The following SUPT3H variants were observed in gnomAD, a reference collection of about 807,000 sequenced individuals.
SUPT3H encodes the protein SPT3 homolog, SAGA and STAGA complex component.
A neutral mutation model predicts 44.3 loss-of-function variants in SUPT3H; 44 were observed. The ratio of observed to expected loss-of-function variants is 0.99; its 90% CI spans 0.78 to 1.28. The LOEUF (loss-of-function observed/expected upper bound fraction) is 1.28, where lower values mean the gene tolerates loss of function less well. SUPT3H is among the 50% of genes most tolerant of loss of function. The probability of loss-of-function intolerance (pLI) is 0.00; values close to 1 mark genes in which losing one functional copy is unlikely to be tolerated. For synonymous variants in SUPT3H, 124 were observed against 125.6 expected (o/e 0.99, Z 0.09); for missense variants, 380 against 387.1 (o/e 0.98, Z 0.15).
In SUPT3H at chr6:44,827,905, C is replaced by A. The variant is rs574602635; in HGVS notation, c.*1911G>T. Among the ~76,000 whole-genome samples, 354 of 152,106 alleles carry A rather than the reference C, an allele frequency of 2.3e-3. No homozygotes were observed. Among genetic ancestry groups the A allele is most frequent in the Non-Finnish European group, 4.1e-3 (279 of 67,944 alleles). On this transcript the variant is annotated 3_prime_UTR_variant, in exon 11 of 11. Coordinates refer to ENST00000371459, the MANE Select transcript of SUPT3H (RefSeq NM_003599.4). ...ATAAATAATTACCTGTCAGACTGTT[C>A]AAGATAGACAAACATATGCCAGACC...
chr6:45,293,268 T>C (rs773556298), intron 2 of SUPT3H, among the ~76,000 whole-genome samples: 9 of 152,068 alleles, frequency 5.9e-5, no homozygotes, highest in Admixed American at 3.9e-4. Context: ...AAATGGAATT[T>C]AAAAAATTCT....
chr6:45,204,576 A>ACAGATCTGCTTCAAT (rs1762951192), intron 2 of SUPT3H, among the ~76,000 whole-genome samples: 1 of 152,326 alleles, frequency 6.6e-6, no homozygotes, highest in African/African-American at 2.4e-5. Flanking sequence ...TCTGCATCAA[A>ACAGATCTGCTTCAAT]CAGATCTGCT....
intron 9 of SUPT3H, among the ~76,000 whole-genome samples, chr6:44,940,183 A>G (rs1445523480): frequency 6.6e-6 from 1 of 151,992 alleles, no homozygotes; most frequent in East Asian, 1.9e-4. Context: ...TAGGCATTTA[A>G]TGCTACAAAC....
At chr6:45,174,175 C>G (rs948003393) in intron 2 of SUPT3H, among the ~76,000 whole-genome samples, 2 of 152,214 alleles carry the variant, frequency 1.3e-5, no homozygotes, top group Non-Finnish European at 2.9e-5. Context: ...TGGCTAAGTA[C>G]TGAACAGTGG....
intron 2 of SUPT3H, among the ~76,000 whole-genome samples, chr6:45,305,585 T>C (rs913857845): frequency 2.6e-5 from 4 of 152,206 alleles, no homozygotes; most frequent in African/African-American, 9.7e-5. Context: ...GCCCTCAGCA[T>C]TGTTCACTAC....
At chr6:45,280,164 G>C (rs4452642) in intron 2 of SUPT3H, among the ~76,000 whole-genome samples, 1 of 152,128 alleles carries the variant, frequency 6.6e-6, no homozygotes, top group Non-Finnish European at 1.5e-5. Flanking sequence ...TCAAAAACAG[G>C]TTCCAAGAAC....
In SUPT3H at chr6:45,074,177, T is replaced by C. The variant is rs549284986; in HGVS notation, c.186+31745A>G. Among the ~76,000 whole-genome samples the C allele has an allele frequency of 1.2e-4, 18 of 151,952 alleles. No homozygotes were observed. The South Asian group carries it at 3.7e-3, about 32-fold the overall frequency. ...ACAGCTAAATGGAAAACAAAAAAGC[T>C]CCACTATCTATCTAACTCAATACCT... On this transcript the variant is annotated intron_variant, in intron 3 of 10. Transcript: ENST00000371459.
chr6:44,941,947 T>C (rs1005214332), intron 9 of SUPT3H, among the ~76,000 whole-genome samples: 8 of 152,198 alleles, frequency 5.3e-5, no homozygotes, highest in African/African-American at 1.9e-4. Context: ...AGTGGAACAA[T>C]ATTAATTCTG....
At chr6:44,990,886 T>G (rs1275016841) in intron 6 of SUPT3H, among the ~76,000 whole-genome samples, 1 of 116,438 alleles carries the variant, frequency 8.6e-6, no homozygotes, top group Non-Finnish European at 2.0e-5. Context: ...ATAAACAAGT[T>G]ATTTATTAAA....
chr6:45,356,635 C>T (rs1213168029), intron 2 of SUPT3H, among the ~76,000 whole-genome samples: 1 of 151,958 alleles, frequency 6.6e-6, no homozygotes, highest in African/African-American at 2.4e-5. Flanking sequence ...TCCTGACTGA[C>T]CTCAAGTGAT....
At chr6:45,160,426 A>C (rs1808745594) in intron 2 of SUPT3H, among the ~76,000 whole-genome samples, 1 of 152,200 alleles carries the variant, frequency 6.6e-6, no homozygotes, top group Non-Finnish European at 1.5e-5. Context: ...CAAAGACGTA[A>C]GTACTACATC....
Position 44,861,795 on chromosome 6 carries a change from G to C in SUPT3H, c.913-31938C>G, listed in dbSNP as rs901209496. On this transcript the variant is annotated intron_variant, in intron 10 of 10. Coordinates refer to ENST00000371459, the MANE Select transcript of SUPT3H (RefSeq NM_003599.4). ...AGTTGTCCTAGGAGCTGACAAGAGG[G>C]GCTAGGGAAGAATAAGGAAGATACC... 5.3e-5 allele frequency among the ~76,000 whole-genome samples: 8 copies of C among 152,120 alleles called. No individual in the cohort carries two copies. In the South Asian group the frequency reaches 1.7e-3, roughly 32 times the overall value.
At chr6:45,361,307 T>TC (rs1278346931) in intron 2 of SUPT3H, among the ~76,000 whole-genome samples, 2 of 152,060 alleles carry the variant, frequency 1.3e-5, no homozygotes. Flanking sequence ...TTGCTATTTA[T>TC]CCCCAAAACT....
At chr6:44,834,377 G>T (rs956456822) in intron 10 of SUPT3H, among the ~76,000 whole-genome samples, 1 of 152,134 alleles carries the variant, frequency 6.6e-6, no homozygotes, top group Admixed American at 6.5e-5. Context: ...TGGGTTACCT[G>T]TATCTCTCAC....
intron 2 of SUPT3H, among the ~76,000 whole-genome samples, chr6:45,310,620 C>T (rs955753404): frequency 3.3e-5 from 5 of 152,276 alleles, no homozygotes; most frequent in Non-Finnish European, 7.4e-5. Context: ...GCACAGAAAC[C>T]CTCAGCACCA....
chr6:44,988,528 A>AT (rs1307611203), intron 6 of SUPT3H, among the ~76,000 whole-genome samples: 1 of 149,226 alleles, frequency 6.7e-6, no homozygotes, highest in African/African-American at 2.4e-5. Flanking sequence ...ATAAAAAAAA[A>AT]AAAAAAAAAA....
At chr6:45,051,114 C>A (rs1364241567) in intron 3 of SUPT3H, among the ~76,000 whole-genome samples, 1 of 152,106 alleles carries the variant, frequency 6.6e-6, no homozygotes, top group Non-Finnish European at 1.5e-5. Flanking sequence ...TGGTCTCGAA[C>A]TCCTGACCTC....
intron 2 of SUPT3H, among the ~76,000 whole-genome samples, chr6:45,283,837 T>A (rs2153668402): frequency 6.6e-6 from 1 of 152,242 alleles, no homozygotes; most frequent in South Asian, 2.1e-4. Context: ...TAGTTGGAAG[T>A]AAAGTACTCC....
intron 5 of SUPT3H, among the ~76,000 whole-genome samples, chr6:45,013,708 T>C (rs1196071414): frequency 1.3e-5 from 2 of 152,088 alleles, no homozygotes; most frequent in East Asian, 3.9e-4. Flanking sequence ...CAGCTGTGCC[T>C]GCCTAGAATA....
Sources: allele counts gnomAD v4.1 joint callset (sites outside exome capture counted in the v4.1 genomes callset), GRCh38; gene constraint gnomAD v4.1.1; transcripts MANE v1.5; gene names NCBI Gene and HGNC (gene_info 2026-07-23, HGNC 2026-07-21).